CLCN5: variants seen among roughly 807,000 people sequenced by gnomAD.
CLCN5 encodes the protein Cl-/H+ antiporter 5.
CLCN5 carries 17 observed loss-of-function variants against 54.0 expected under a neutral mutation model. The ratio of observed to expected loss-of-function variants is 0.31; its 90% CI spans 0.22 to 0.47. The LOEUF is 0.47. CLCN5 is among the 20% of genes least tolerant of loss of function. The pLI, the probability that CLCN5 is intolerant of heterozygous loss-of-function variation, is 1.00. For missense variants in CLCN5, 448 were observed against 646.7 expected (o/e 0.69, Z 3.33); for synonymous variants, 222 against 233.0 (o/e 0.95, Z 0.43).
rs1413107881 is a variant in CLCN5, at chrX:50,053,299, T to G, written c.163+10837T>G. 1.8e-5 allele frequency among the ~76,000 whole-genome samples: 2 copies of G among 111,820 alleles called. 1 individual carries two copies. The highest frequency in any genetic ancestry group is 8.3e-3 in the Middle Eastern group (2 of 240). On this transcript the variant is annotated intron_variant, in intron 4 of 14. Transcript: ENST00000376091. ...TGTGTCTTTCAAGTAGTTGGTCCAT[T>G]TCACCTGTTAGTAAATTTGTGTTCA...
At chrX:50,040,614 T>G (rs1383376854) in intron 3 of CLCN5, among the ~76,000 whole-genome samples, 1 of 112,338 alleles carries the variant, frequency 8.9e-6, no homozygotes, top group East Asian at 2.8e-4. Context: ...CATGTATACT[T>G]TGTGTAATGA....
chrX:49,989,610 T>C (rs540734012), intron 3 of CLCN5, among the ~76,000 whole-genome samples: 2 of 112,260 alleles, frequency 1.8e-5, no homozygotes, highest in East Asian at 5.6e-4. Flanking sequence ...ACAGAGCACC[T>C]ACTTTCCAAC....
At position 50,090,868 on chromosome X, in the gene CLCN5, G is replaced by C. The variant is rs946613180; in HGVS notation, c.2342G>C (p.Cys781Ser). The stretch of plus-strand genomic sequence containing the variant: ...TTCCGAAAGCTGGGACTGCGGCAGT[G>C]CCTGGTTACACACAACGGGTAAGAA... ...DIFRKLGLRQCLVTHNGRLLG... is the reference protein window; with the variant it reads ...DIFRKLGLRQSLVTHNGRLLG... Residue 781 changes from cysteine to serine, a missense_variant, in exon 14 of 15, where the codon TGC (cysteine) becomes TCC (serine). Cys to Ser is a moderately radical substitution (Grantham distance 112). This residue lies in a region of CLCN5 where 297 missense variants were observed against 470.4 expected (regional missense o/e 0.63). Coordinates refer to ENST00000376091, the MANE Select transcript of CLCN5 (RefSeq NM_001127898.4). 3 of 1,204,932 alleles carry C rather than the reference G, an allele frequency of 2.5e-6. No homozygotes were observed. Among genetic ancestry groups the C allele is most frequent in the African/African-American group, 1.8e-5 (1 of 57,002 alleles).
At chrX:49,990,366 T>G (rs1363911543) in intron 3 of CLCN5, among the ~76,000 whole-genome samples, 1 of 109,627 alleles carries the variant, frequency 9.1e-6, no homozygotes, top group East Asian at 2.9e-4. Flanking sequence ...CAGTGTACAC[T>G]GTACCCAATG....
intron 3 of CLCN5, among the ~76,000 whole-genome samples, chrX:49,934,116 A>G (rs1557169242): frequency 9.0e-6 from 1 of 110,806 alleles, no homozygotes; most frequent in African/African-American, 3.3e-5. Flanking sequence ...GTCCTACTGC[A>G]TTGCACTGCC....
chrX:49,982,307 T>G (rs1928774893), intron 3 of CLCN5, among the ~76,000 whole-genome samples: 1 of 110,288 alleles, frequency 9.1e-6, no homozygotes, highest in Non-Finnish European at 1.9e-5. Flanking sequence ...ACTCTTTTTT[T>G]TTTTAATTCA....
intron 4 of CLCN5, among the ~76,000 whole-genome samples, chrX:50,066,368 A>C (rs10283956): frequency 0.16 from 17,792 of 110,960 alleles, 1,227 homozygotes; most frequent in Middle Eastern, 0.27. Context: ...ACAATGATGA[A>C]CTGAAAGCAT....
chrX:50,046,883 C>T (rs1932412484), intron 4 of CLCN5, among the ~76,000 whole-genome samples: 1 of 110,714 alleles, frequency 9.0e-6, no homozygotes, highest in South Asian at 3.9e-4. Context: ...AGAGGGGGAA[C>T]TGATAGGACC....
chrX:49,936,774 C>T (rs184156714), intron 3 of CLCN5, among the ~76,000 whole-genome samples: 1 of 111,962 alleles, frequency 8.9e-6, no homozygotes. Flanking sequence ...AATGAATCTT[C>T]TCAAAAGGAA....
intron 3 of CLCN5, among the ~76,000 whole-genome samples, chrX:49,977,772 A>AG (rs1347359253): frequency 3.6e-5 from 4 of 111,943 alleles, no homozygotes; most frequent in Non-Finnish European, 5.6e-5. Flanking sequence ...TCCCCCCTCC[A>AG]GAAGCCCAGG....
At chrX:50,065,113 T>C (rs1932952447) in intron 4 of CLCN5, among the ~76,000 whole-genome samples, 1 of 95,841 alleles carries the variant, frequency 1.0e-5, no homozygotes, top group African/African-American at 3.9e-5. Flanking sequence ...AAGGACTTCA[T>C]GTCCAAAACA....
intron 3 of CLCN5, chrX:50,009,121 G>A (rs1930358129): frequency 3.6e-6 from 1 of 277,984 alleles, no homozygotes; most frequent in Admixed American, 4.6e-5. Context: ...ATCCTGCACT[G>A]GGTGGTGGAG....
rs1973290566 is a variant in CLCN5 at position 49,976,383 on chromosome X, GA to G, written c.16+51075del. Among the ~76,000 whole-genome samples, 3 of 112,332 alleles carry G rather than the reference GA, an allele frequency of 2.7e-5. No individual in the cohort carries two copies. In the East Asian group the frequency reaches 8.4e-4, roughly 32 times the overall value. ...CAGAAATGGTTGAGGGATAATGTCA[GA>G]AAAAATCCACAGGAGGTGATGGTTT... On this transcript the variant is annotated intron_variant, in intron 3 of 14. Coordinates refer to ENST00000376091, the MANE Select transcript of CLCN5 (RefSeq NM_001127898.4).
intron 3 of CLCN5, among the ~76,000 whole-genome samples, chrX:49,937,431 C>A (rs782802147): frequency 1.8e-5 from 2 of 111,332 alleles, no homozygotes; most frequent in Non-Finnish European, 3.8e-5. Context: ...ATTTCCTCGA[C>A]AATTTATACT....
chrX:49,951,462 CTG>C (rs782736644), intron 3 of CLCN5, among the ~76,000 whole-genome samples: 108 of 112,111 alleles, frequency 9.6e-4, no homozygotes, highest in African/African-American at 3.2e-3. Flanking sequence ...TGTTGAATAA[CTG>C]TGTAAGGCAT....
chrX:49,933,603 C>G (rs1050431995), intron 3 of CLCN5, among the ~76,000 whole-genome samples: 1 of 112,108 alleles, frequency 8.9e-6, no homozygotes, highest in Non-Finnish European at 1.9e-5. Context: ...TCTGTCACTA[C>G]TAGCCATGTG....
chrX:50,080,057 T>A (rs2055988736), intron 7 of CLCN5, among the ~76,000 whole-genome samples: 1 of 111,128 alleles, frequency 9.0e-6, no homozygotes, highest in African/African-American at 3.3e-5. Context: ...ATACATACAA[T>A]AAAAAAATTT....
intron 3 of CLCN5, among the ~76,000 whole-genome samples, chrX:49,961,531 C>G (rs1354057096): frequency 8.9e-6 from 1 of 111,975 alleles, no homozygotes; most frequent in African/African-American, 3.2e-5. Flanking sequence ...CCTTCCTTAA[C>G]TATTACACTA....
rs1933709074 is a variant in CLCN5 at position 50,081,725 on chromosome X, G to A, written c.811G>A (p.Ala271Thr). 1.7e-6 allele frequency: 2 copies of A among 1,210,736 alleles called. No homozygotes were observed. Among genetic ancestry groups the A allele is most frequent in the East Asian group, 3.0e-5 (1 of 33,853 alleles). ...TATCAAAACCATCACCTTGGTGCTG[G>A]CAGTGTCATCTGGCTTGAGCCTGGG... ...LVIKTITLVL[A>T]VSSGLSLGKE... The change falls in exon 9 of 15, where the codon GCA (alanine) becomes ACA (threonine). Residue 271 changes from alanine (A) to threonine (T), a missense_variant. This residue lies in a region of CLCN5 where 297 missense variants were observed against 470.4 expected (regional missense o/e 0.63). Transcript: ENST00000376091.
Sources: gnomAD v4.1 joint callset for allele counts (sites outside exome capture counted in the v4.1 genomes callset) on GRCh38, gnomAD v4.1.1 for gene constraint, gnomAD v4.1.1 regional missense constraint, MANE v1.5 for transcripts, NCBI Gene and HGNC (gene_info 2026-07-23, HGNC 2026-07-21) for gene names.